WAC: variants seen among roughly 807,000 people sequenced by gnomAD.
WAC encodes WW domain containing adaptor with coiled-coil.
In WAC, 11 loss-of-function variants were observed where a neutral mutation model predicts 79.6. The ratio of observed to expected loss-of-function variants is 0.14; its 90% CI spans 0.09 to 0.23. The LOEUF is 0.23. Among genes scored for constraint, WAC ranks in the 10% least tolerant of loss-of-function variants. WAC has a pLI of 1.00. For synonymous variants in WAC, 304 were observed against 276.9 expected (o/e 1.10, Z -0.97); for missense variants, 728 against 773.5 (o/e 0.94, Z 0.70).
chr10:28,550,833 A>G (rs1589140624), intron 3 of WAC, among the ~76,000 whole-genome samples: 1 of 152,222 alleles, frequency 6.6e-6, no homozygotes, highest in Admixed American at 6.5e-5. Flanking sequence ...AATTGTGTAC[A>G]TAATTGATGT....
At chr10:28,578,167 AAAAC>A (rs1355145787) in intron 3 of WAC, among the ~76,000 whole-genome samples, 2 of 152,158 alleles carry the variant, frequency 1.3e-5, no homozygotes, top group African/African-American at 4.8e-5. Context: ...AAAACAAAAC[AAAAC>A]AAAAAAATTT....
At chr10:28,594,042 C>G (rs917743588) in intron 6 of WAC, among the ~76,000 whole-genome samples, 1 of 152,170 alleles carries the variant, frequency 6.6e-6, no homozygotes, top group African/African-American at 2.4e-5. Flanking sequence ...CCAGTCAGGA[C>G]AAGCAAAGCA....
chr10:28,603,951 ATGTATGTATG>A (rs1179975328), intron 7 of WAC, among the ~76,000 whole-genome samples: 1,138 of 58,294 alleles, frequency 0.02, 41 homozygotes, highest in African/African-American at 0.022. Flanking sequence ...AAATATATAT[ATGTATGTATG>A]TATATATATA....
chr10:28,570,407 A>G (rs1327162822), intron 3 of WAC, among the ~76,000 whole-genome samples: 4 of 152,248 alleles, frequency 2.6e-5, no homozygotes, highest in Admixed American at 2.6e-4. Flanking sequence ...TGTTATCTCC[A>G]GCCTTCGGCA....
intron 3 of WAC, among the ~76,000 whole-genome samples, chr10:28,549,389 A>G (rs79021837): frequency 0.016 from 2,424 of 152,152 alleles, 28 homozygotes; most frequent in Middle Eastern, 0.034. Context: ...TCAGGCCTAC[A>G]TATCTCTTTG....
Position 28,621,699 on chromosome 10 carries a change from A to G in WAC, c.*2093A>G, listed in dbSNP as rs1588627902. On this transcript the variant is annotated 3_prime_UTR_variant, in exon 14 of 14. Transcript: ENST00000354911. Reference sequence around the variant, plus strand: ...TGGAAAGAAGTGAGCAATTTGTTGTAATAGGCAAATGTTTCCTGATCAGAT... The same window carrying G: ...TGGAAAGAAGTGAGCAATTTGTTGTGATAGGCAAATGTTTCCTGATCAGAT... 2 of 152,314 alleles carry G rather than the reference A, an allele frequency of 1.3e-5. No homozygotes were observed. The highest frequency in any genetic ancestry group is 3.9e-4 in the East Asian group (2 of 5,190). The allele number at this position is 152,314 out of a possible 1,614,324, so 9.4% of individuals were successfully genotyped here.
At chr10:28,533,973 G>A in intron 1 of WAC, 25 bp from the exon 2 acceptor site, 1 of 1,605,042 alleles carries the variant, frequency 6.2e-7, no homozygotes, top group Admixed American at 1.7e-5. Context: ...GTCTTATGTC[G>A]CTGCCTTCTC....
intron 3 of WAC, among the ~76,000 whole-genome samples, chr10:28,554,857 G>T (rs75645251): frequency 0.011 from 1,702 of 152,074 alleles, 61 homozygotes; most frequent in East Asian, 0.11. Flanking sequence ...TTTCTTTCTA[G>T]AATACTCTCT....
chr10:28,539,617 G>C (rs975619906), intron 3 of WAC, among the ~76,000 whole-genome samples: 2 of 151,812 alleles, frequency 1.3e-5, no homozygotes, highest in African/African-American at 4.8e-5. Context: ...GGAGTGCAGT[G>C]GTGTGATCCT....
intron 4 of WAC, among the ~76,000 whole-genome samples, chr10:28,586,188 A>G (rs547465701): frequency 1.2e-4 from 19 of 152,288 alleles, no homozygotes; most frequent in Non-Finnish European, 2.2e-4. Flanking sequence ...TATGTGGGTG[A>G]TTTTTTAAAA....
intron 7 of WAC, among the ~76,000 whole-genome samples, chr10:28,600,291 G>A (rs1280725810): frequency 1.3e-5 from 2 of 152,138 alleles, no homozygotes; most frequent in Non-Finnish European, 2.9e-5. Flanking sequence ...TGAGGTGTGA[G>A]TCAGTCACTT....
chr10:28,577,318 C>A (rs1264137698), intron 3 of WAC, among the ~76,000 whole-genome samples: 1 of 152,062 alleles, frequency 6.6e-6, no homozygotes, highest in Non-Finnish European at 1.5e-5. Flanking sequence ...GCATTTTTAT[C>A]CTAATGGTTT....
chr10:28,582,193 C>A (rs1015506535), intron 3 of WAC, among the ~76,000 whole-genome samples: 1 of 152,184 alleles, frequency 6.6e-6, no homozygotes, highest in African/African-American at 2.4e-5. Context: ...CATACTCTTA[C>A]TTCGTCCATG....
In WAC at chr10:28,535,740, T is replaced by G; in HGVS notation, c.257T>G (p.Val86Gly). 6.2e-7 allele frequency: 1 copy of G among 1,610,724 alleles called. No individual in the cohort carries two copies. The highest frequency in any genetic ancestry group is 8.5e-7 in the Non-Finnish European group (1 of 1,178,154). ...SKAKNVHTHR[V>G]RERDGGTSYS... ...GCCAAAAATGTGCATACTCACAGAG[T>G]TAGAGAGAGGGATGGTGGTGAGTAT... The change falls in exon 3 of 14, where the codon GTT becomes GGT. Residue 86 changes from valine (V) to glycine (G), a missense_variant. Around this residue, in one of 3 missense-constraint regions of WAC, gnomAD observed 648 missense variants for 661.5 expected, o/e 0.98. Coordinates refer to ENST00000354911, the MANE Select transcript of WAC (RefSeq NM_016628.5).
At position 28,603,166 on chromosome 10, in the gene WAC, C is replaced by T. The variant is rs987518062; in HGVS notation, c.920-5020C>T. ...AGGAGTATCCAATCTTTTGGCTTCC[C>T]TGGGCCACATTGGAAGAAGAAGAAT... is the stretch of plus-strand genomic sequence containing the variant. On this transcript the variant is annotated intron_variant, in intron 7 of 13. Transcript: ENST00000354911. 2.6e-5 allele frequency among the ~76,000 whole-genome samples: 4 copies of T among 152,264 alleles called. No homozygotes were observed. In the East Asian group the frequency reaches 7.7e-4, roughly 29 times the overall value.
At chr10:28,583,603 CT>C (rs200483755) in intron 4 of WAC, 98 bp downstream of exon 4, 521 of 786,514 alleles carry the variant, frequency 6.6e-4, no homozygotes, top group Non-Finnish European at 7.7e-4. Flanking sequence ...AATCTAATGT[CT>C]TTTTTTTTAA....
At chr10:28,573,842 C>T (rs370772816) in intron 3 of WAC, among the ~76,000 whole-genome samples, 31 of 151,994 alleles carry the variant, frequency 2.0e-4, no homozygotes, top group African/African-American at 7.2e-4. Context: ...ACTTACAAAC[C>T]CTTTAACTGT....
chr10:28,587,274 G>A (rs1052233151), intron 4 of WAC, among the ~76,000 whole-genome samples: 5 of 152,170 alleles, frequency 3.3e-5, no homozygotes, highest in African/African-American at 4.8e-5. Context: ...GAACATCTTA[G>A]TAATGTTTGA....
At chr10:28,563,769 T>TTTTTTTTTTTTTTTTTTA (rs1163758803) in intron 3 of WAC, among the ~76,000 whole-genome samples, 1 of 120,554 alleles carries the variant, frequency 8.3e-6, no homozygotes. Flanking sequence ...TTTTTTTTTT[T>TTTTTTTTTTTTTTTTTTA]TTTTGTATTT....
Sources: allele counts gnomAD v4.1 joint callset (sites outside exome capture counted in the v4.1 genomes callset), GRCh38; gene constraint gnomAD v4.1.1; regional missense constraint gnomAD v4.1.1; transcripts MANE v1.5; gene names NCBI Gene and HGNC (gene_info 2026-07-23, HGNC 2026-07-21).